CALN1: variants seen among roughly 807,000 people sequenced by gnomAD.
CALN1 encodes calcium-binding protein 8.
CALN1 carries 17 observed loss-of-function variants against 30.6 expected under a neutral mutation model. The observed-to-expected ratio is 0.56, with a 90% CI of 0.38 to 0.83. CALN1 has a LOEUF of 0.83. CALN1 is among the 40% of genes least tolerant of loss of function. The pLI, the probability that CALN1 is intolerant of heterozygous loss-of-function variation, is 0.00. For synonymous variants in CALN1, 156 were observed against 131.4 expected, an observed-to-expected ratio of 1.19 and a Z score of -1.28; for missense variants, 291 against 354.9, an observed-to-expected ratio of 0.82 and a Z score of 1.45.
At chr7:72,379,235 T>C (rs943148191) in intron 2 of CALN1, among the ~76,000 whole-genome samples, 3 of 152,144 alleles carry the variant, frequency 2.0e-5, no homozygotes, top group African/African-American at 7.2e-5. Flanking sequence ...CCTTAAGCAA[T>C]CCTCCCACCA....
intron 2 of CALN1, among the ~76,000 whole-genome samples, chr7:72,330,466 C>CAAAAAA (rs34819395): frequency 8.8e-6 from 1 of 113,060 alleles, no homozygotes; most frequent in Non-Finnish European, 1.8e-5. Context: ...AGACTGTCTC[C>CAAAAAA]AAAAAAAAAA....
chr7:72,377,000 T>C (rs1422150612), intron 2 of CALN1, among the ~76,000 whole-genome samples: 1 of 152,214 alleles, frequency 6.6e-6, no homozygotes. Context: ...TTGACCAAAA[T>C]GTATATAGGT....
At chr7:72,166,601 C>T (rs1407495740) in intron 3 of CALN1, among the ~76,000 whole-genome samples, 1 of 152,206 alleles carries the variant, frequency 6.6e-6, no homozygotes, top group Non-Finnish European at 1.5e-5. Context: ...TAACAACTAC[C>T]TCCCTCCTAC....
chr7:72,182,224 G>A (rs568596691), intron 3 of CALN1, among the ~76,000 whole-genome samples: 6 of 152,236 alleles, frequency 3.9e-5, no homozygotes, highest in African/African-American at 1.4e-4. Flanking sequence ...CTTGCACAAC[G>A]CAGTGTGTCC....
At chr7:72,210,155 C>T (rs557673400) in intron 3 of CALN1, among the ~76,000 whole-genome samples, 2 of 152,054 alleles carry the variant, frequency 1.3e-5, no homozygotes, top group Non-Finnish European at 2.9e-5. Flanking sequence ...CCGTCTCCCC[C>T]TTCCAGCCAT....
At chr7:71,899,422 C>T (rs1395146666) in intron 5 of CALN1, among the ~76,000 whole-genome samples, 5 of 152,104 alleles carry the variant, frequency 3.3e-5, no homozygotes, top group Admixed American at 1.3e-4. Context: ...GGATTACAGA[C>T]GTGAGCCACC....
intron 6 of CALN1, among the ~76,000 whole-genome samples, chr7:71,806,177 C>G (rs975787632): frequency 6.6e-6 from 1 of 151,536 alleles, no homozygotes; most frequent in African/African-American, 2.4e-5. Flanking sequence ...CAAACCTGCA[C>G]GTCCTGCACA....
At chr7:72,403,944 T>C (rs548571931) in intron 1 of CALN1, among the ~76,000 whole-genome samples, 3 of 152,250 alleles carry the variant, frequency 2.0e-5, no homozygotes, top group African/African-American at 7.2e-5. Flanking sequence ...CCCAGGGCAA[T>C]ACCCTCCTAA....
chr7:72,317,660 A>G (rs1158297608), intron 2 of CALN1, among the ~76,000 whole-genome samples: 1 of 152,154 alleles, frequency 6.6e-6, no homozygotes, highest in Non-Finnish European at 1.5e-5. Context: ...CTGGCCTAGG[A>G]AGTCCCCCCC....
chr7:71,905,635 T>C (rs1175654896), intron 5 of CALN1, among the ~76,000 whole-genome samples: 4 of 152,022 alleles, frequency 2.6e-5, no homozygotes, highest in East Asian at 1.9e-4. Context: ...ACGCACTCCA[T>C]AGAGTGGGAG....
In CALN1 at chr7:72,336,461, C is replaced by T. The variant is rs73362925; in HGVS notation, c.120-57651G>A. Among the ~76,000 whole-genome samples the T allele has an allele frequency of 4.4e-3, 663 of 152,130 alleles. 4 individuals carry two copies. The highest frequency in any genetic ancestry group is 0.015 in the African/African-American group (629 of 41,540). Reference sequence around the variant, plus strand: ...CCCTAGCCCCACGTCCCCAGGCAGGCGGCCAGGAGCCAGCTCCACGGAAGG... The same window carrying T: ...CCCTAGCCCCACGTCCCCAGGCAGGTGGCCAGGAGCCAGCTCCACGGAAGG... On this transcript the variant is annotated intron_variant, in intron 2 of 6. Coordinates refer to ENST00000395275, the MANE Select transcript of CALN1 (RefSeq NM_031468.4).
chr7:71,982,555 T>C (rs530044049), intron 5 of CALN1, among the ~76,000 whole-genome samples: 4 of 152,118 alleles, frequency 2.6e-5, no homozygotes, highest in Non-Finnish European at 5.9e-5. Context: ...GATCACGCCA[T>C]TGCACTCCAG....
intron 2 of CALN1, among the ~76,000 whole-genome samples, chr7:72,310,135 G>A (rs1386500275): frequency 6.6e-6 from 1 of 151,904 alleles, no homozygotes; most frequent in Non-Finnish European, 1.5e-5. Flanking sequence ...TAAGTCTCTA[G>A]ATATACAAAG....
intron 1 of CALN1, among the ~76,000 whole-genome samples, chr7:72,403,877 CG>C (rs1806522418): frequency 6.6e-6 from 1 of 152,160 alleles, no homozygotes. Context: ...TGGAAATCAC[CG>C]TCTAACGGTG....
intron 2 of CALN1, among the ~76,000 whole-genome samples, chr7:72,396,258 G>GAAAAAAAAAAAAAGAAAGAAAGAA (rs1554399594): frequency 9.1e-6 from 1 of 109,700 alleles, no homozygotes; most frequent in African/African-American, 3.7e-5. Flanking sequence ...AAAAAAAAAA[G>GAAAAAAAAAAAAAGAAAGAAAGAA]AAAGAAAAAG....
At chr7:72,267,017 T>C (rs1396018465) in intron 3 of CALN1, among the ~76,000 whole-genome samples, 1 of 152,228 alleles carries the variant, frequency 6.6e-6, no homozygotes, top group Non-Finnish European at 1.5e-5. Context: ...ATTGGGATGA[T>C]GATGTGGCTC....
At chr7:72,302,490 G>GAA (rs1799341247) in intron 2 of CALN1, among the ~76,000 whole-genome samples, 1 of 152,158 alleles carries the variant, frequency 6.6e-6, no homozygotes, top group African/African-American at 2.4e-5. Context: ...CAGAGGCTTA[G>GAA]AAAGTTTACA....
intron 3 of CALN1, among the ~76,000 whole-genome samples, chr7:72,186,727 G>A (rs574817214): frequency 6.6e-6 from 1 of 152,260 alleles, no homozygotes; most frequent in South Asian, 2.1e-4. Context: ...TTGTGTGGCT[G>A]CGAAGGACAT....
intron 5 of CALN1, among the ~76,000 whole-genome samples, chr7:72,012,379 G>T (rs948033072): frequency 4.6e-5 from 7 of 152,144 alleles, no homozygotes; most frequent in Non-Finnish European, 8.8e-5. Context: ...TGGGTGTGGT[G>T]GCGGGTGCCT....
Sources: allele counts gnomAD v4.1 joint callset (sites outside exome capture counted in the v4.1 genomes callset), GRCh38; gene constraint gnomAD v4.1.1; transcripts MANE v1.5; gene names NCBI Gene and HGNC (gene_info 2026-07-23, HGNC 2026-07-21).